The following DUXA variants were observed in gnomAD, a reference collection of about 807,000 sequenced individuals.
DUXA encodes the protein double homeobox protein A.
DUXA carries 25 observed loss-of-function variants against 27.5 expected under a neutral mutation model. The ratio of observed to expected loss-of-function variants is 0.91; its 90% CI spans 0.66 to 1.27. The LOEUF (loss-of-function observed/expected upper bound fraction) is 1.27. Ranked by LOEUF, DUXA falls within the 50% of genes most tolerant of loss-of-function variation. The probability of loss-of-function intolerance (pLI) is 0.00; values close to 1 mark genes in which losing one functional copy is unlikely to be tolerated. For missense variants in DUXA, 247 were observed against 242.9 expected, an observed-to-expected ratio of 1.02 and a Z score of -0.11; for synonymous variants, 90 against 80.5, an observed-to-expected ratio of 1.12 and a Z score of -0.63.
At chr19:57,158,820 TA>T (rs1214627715) in intron 3 of DUXA, among the ~76,000 whole-genome samples, 1 of 152,136 alleles carries the variant, frequency 6.6e-6, no homozygotes, top group Non-Finnish European at 1.5e-5. Context: ...TCGTCTCTAC[TA>T]AAAGTACAAA....
Position 57,158,450 on chromosome 19 carries a change from T to C in DUXA, c.316A>G (p.Thr106Ala). Residue 106 changes from threonine to alanine, a missense_variant, in exon 4 of 6, where the codon ACC becomes GCC. Thr to Ala is a moderately conservative substitution (Grantham distance 58). Transcript: ENST00000554048. ...TGTAACTGAGAGGCGCTGTAGGTGG[T>C]ACGACACCGTCTGGCTTCTCTACCT... ...FQSREARRCR[T>A]TYSASQLHTL... The C allele has an allele frequency of 6.2e-7, 1 of 1,613,686 alleles. No individual in the cohort carries two copies. The highest frequency in any genetic ancestry group is 1.1e-5 in the South Asian group (1 of 91,056).
At chr19:57,161,190 T>G (rs1273066313) in intron 1 of DUXA, among the ~76,000 whole-genome samples, 1 of 151,588 alleles carries the variant, frequency 6.6e-6, no homozygotes, top group African/African-American at 2.4e-5. Context: ...CCAGTCGTGG[T>G]GGCGTGTGCC....
chr19:57,159,951 C>T (rs1016041718), intron 2 of DUXA, among the ~76,000 whole-genome samples: 5 of 151,852 alleles, frequency 3.3e-5, no homozygotes, highest in South Asian at 2.1e-4. Flanking sequence ...AAATACAAAA[C>T]AAAATTAGCT....
At chr19:57,165,335 A>C (rs374204926) in intron 1 of DUXA, among the ~76,000 whole-genome samples, 1 of 142,974 alleles carries the variant, frequency 7.0e-6, no homozygotes, top group Non-Finnish European at 1.5e-5. Context: ...ATATATATAT[A>C]TATATATATG....
rs71186230 is a variant in DUXA at position 57,161,324 on chromosome 19, C to CAAAAAAAAAAAAA, written c.26-540_26-528dup. 1.3e-4 allele frequency among the ~76,000 whole-genome samples: 6 copies of CAAAAAAAAAAAAA among 47,382 alleles called. 1 individual carries two copies. Among genetic ancestry groups the CAAAAAAAAAAAAA allele is most frequent in the African/African-American group, 4.2e-4 (3 of 7,100 alleles). 31.1% of individuals were successfully genotyped at this position (47,382 alleles called of 152,430 possible). Reference sequence around the variant, plus strand: ...TGGGTAACAGAGTGAGACTCTATCTCAAAAAAAAAAAAAAAAAAACTGGGC... The same window carrying CAAAAAAAAAAAAA: ...TGGGTAACAGAGTGAGACTCTATCTCAAAAAAAAAAAAAAAAAAAAAAAAAAAAAAAACTGGGC... On this transcript the variant is annotated intron_variant, in intron 1 of 5. Coordinates refer to ENST00000554048, the MANE Select transcript of DUXA (RefSeq NM_001012729.2).
intron 1 of DUXA, among the ~76,000 whole-genome samples, chr19:57,161,110 G>A (rs530935752): frequency 6.6e-6 from 1 of 151,854 alleles, no homozygotes; most frequent in African/African-American, 2.4e-5. Context: ...CAGATCATGA[G>A]GTCAGGAGTT....
intron 1 of DUXA, among the ~76,000 whole-genome samples, chr19:57,165,527 C>T (rs1015599658): frequency 3.7e-4 from 56 of 151,608 alleles, no homozygotes; most frequent in Non-Finnish European, 6.9e-4. Context: ...AGACCCTGGC[C>T]GGGCACGGTG....
rs2086987036 is a variant in DUXA, at chr19:57,155,290, C to G, written c.521G>C (p.Gly174Ala). 1 of 1,614,160 alleles carries G rather than the reference C, an allele frequency of 6.2e-7. No individual in the cohort carries two copies. Among genetic ancestry groups the G allele is most frequent in the African/African-American group, 1.3e-5 (1 of 75,050 alleles). The change falls in exon 5 of 6, where the codon GGC (glycine) becomes GCC (alanine). Residue 174 changes from glycine (G) to alanine (A), a missense_variant. Coordinates refer to ENST00000554048, the MANE Select transcript of DUXA (RefSeq NM_001012729.2). ...ACCTTGCAGTCCCTCAGGAATCTTG[C>G]CCTGCTCTTCTTGTTCTAAGGACGC... ...PVASLEQEEQ[G>A]KIPEGLQGAE...
chr19:57,164,139 T>G (rs899016448), intron 1 of DUXA, among the ~76,000 whole-genome samples: 1 of 152,186 alleles, frequency 6.6e-6, no homozygotes, highest in East Asian at 1.9e-4. Flanking sequence ...TGAACACTGA[T>G]GCAAAAATCC....
chr19:57,154,233 C>T lies in DUXA; in HGVS notation c.*179G>A. 1.8e-6 allele frequency: 1 copy of T among 549,240 alleles called. No individual in the cohort carries two copies. 34.0% of individuals were successfully genotyped at this position (549,240 alleles called of 1,614,324 possible). ...AAACTCCTGAGCTCAAGCAATCTTC[C>T]TGCCTTGGCCTCCCAAAGTAGTGGG... On this transcript the variant is annotated 3_prime_UTR_variant, in exon 6 of 6. Transcript: ENST00000554048.
chr19:57,158,917 G>A (rs928275828), intron 3 of DUXA, among the ~76,000 whole-genome samples: 2 of 152,188 alleles, frequency 1.3e-5, no homozygotes, highest in Admixed American at 6.5e-5. Flanking sequence ...CTGGGAGGCA[G>A]AGGTTGTAGT....
chr19:57,155,431 T>C (rs1391380916), intron 4 of DUXA, 59 bp from the exon 5 acceptor site: 6 of 1,323,590 alleles, frequency 4.5e-6, no homozygotes, highest in African/African-American at 4.4e-5. Context: ...AAACTCATGA[T>C]TGCTTTCTTC....
At position 57,154,404 on chromosome 19, in the gene DUXA, G is replaced by T. The variant is rs1267409523; in HGVS notation, c.*8C>A. Reference sequence around the variant, plus strand: ...TGATATTATCAAGTACACTGAATTTGACTGTGTTCACCACGTTCTGGCTCC... The same window carrying T: ...TGATATTATCAAGTACACTGAATTTTACTGTGTTCACCACGTTCTGGCTCC... On this transcript the variant is annotated 3_prime_UTR_variant, in exon 6 of 6. Transcript: ENST00000554048. 5 of 1,612,476 alleles carry T rather than the reference G, an allele frequency of 3.1e-6. No homozygotes were observed. The South Asian group carries it at 5.5e-5, about 18-fold the overall frequency.
In DUXA at chr19:57,154,367, T is replaced by G. The variant is rs186313853; in HGVS notation, c.*45A>C. ...CTCCCAGGAAGACCGTGAGACAGAT[T>G]TGGGGTCCAGTTGATATTATCAAGT... is the stretch of plus-strand genomic sequence containing the variant. On this transcript the variant is annotated 3_prime_UTR_variant, in exon 6 of 6. Coordinates refer to ENST00000554048, the MANE Select transcript of DUXA (RefSeq NM_001012729.2). The G allele has an allele frequency of 1.2e-5, 19 of 1,551,564 alleles. No individual in the cohort carries two copies. The highest frequency in any genetic ancestry group is 1.8e-6 in the Non-Finnish European group (2 of 1,124,396).
intron 3 of DUXA, among the ~76,000 whole-genome samples, chr19:57,158,679 C>T (rs2087004796): frequency 6.6e-6 from 1 of 151,962 alleles, no homozygotes. Context: ...TTCTGGACTC[C>T]AGTAGAAAGA....
At chr19:57,162,726 C>T (rs760232089) in intron 1 of DUXA, among the ~76,000 whole-genome samples, 9 of 152,080 alleles carry the variant, frequency 5.9e-5, no homozygotes, top group Non-Finnish European at 7.3e-5. Flanking sequence ...AGGCACGTGC[C>T]GCCACGCCTG....
intron 4 of DUXA, among the ~76,000 whole-genome samples, chr19:57,156,657 A>T (rs1351343508): frequency 6.6e-6 from 1 of 152,136 alleles, no homozygotes; most frequent in African/African-American, 2.4e-5. Context: ...GAGCCGCCGT[A>T]ACTGGCCACA....
At chr19:57,158,731 G>A (rs370496856) in intron 3 of DUXA, among the ~76,000 whole-genome samples, 5 of 152,066 alleles carry the variant, frequency 3.3e-5, no homozygotes, top group South Asian at 2.1e-4. Flanking sequence ...CGCCTGTAAT[G>A]CCGGCACTTT....
intron 5 of DUXA, among the ~76,000 whole-genome samples, chr19:57,154,845 G>A (rs2086984313): frequency 6.6e-6 from 1 of 152,182 alleles, no homozygotes; most frequent in African/African-American, 2.4e-5. Flanking sequence ...TTACAGGCGT[G>A]AGCCTCCATG....
Sources: allele counts gnomAD v4.1 joint callset (sites outside exome capture counted in the v4.1 genomes callset), GRCh38; gene constraint gnomAD v4.1.1; transcripts MANE v1.5; gene names NCBI Gene and HGNC (gene_info 2026-07-23, HGNC 2026-07-21).